The following AGBL2 variants were observed in gnomAD, a reference collection of about 807,000 sequenced individuals.
AGBL2 encodes AGBL carboxypeptidase 2.
Under a neutral mutation model 103.0 loss-of-function variants are expected in AGBL2, and 87 were observed. The observed-to-expected ratio is 0.84, with a 90% CI of 0.71 to 1.01. AGBL2 has a LOEUF of 1.01. Among genes scored for constraint, AGBL2 ranks in the 50% least tolerant of loss-of-function variants. The pLI is 0.00. For synonymous variants in AGBL2, 335 were observed against 356.7 expected (o/e 0.94, Z 0.69); for missense variants, 904 against 1,023.5 (o/e 0.88, Z 1.59).
intron 14 of AGBL2, among the ~76,000 whole-genome samples, chr11:47,675,538 G>A (rs1354098471): frequency 1.3e-5 from 2 of 151,724 alleles, no homozygotes; most frequent in Admixed American, 1.3e-4. Flanking sequence ...ACAGGCATGT[G>A]CCACCACACC....
chr11:47,664,299 T>G (rs2097335385), intron 17 of AGBL2, among the ~76,000 whole-genome samples: 1 of 151,988 alleles, frequency 6.6e-6, no homozygotes, highest in South Asian at 2.1e-4. Context: ...TAGGGTGGAG[T>G]GCAGTGGCAG....
intron 17 of AGBL2, among the ~76,000 whole-genome samples, chr11:47,664,395 G>T (rs1206873505): frequency 1.3e-5 from 2 of 151,018 alleles, no homozygotes; most frequent in African/African-American, 2.4e-5. Flanking sequence ...TACAGGGGCA[G>T]GCTACCACAT....
chr11:47,708,645 C>G (rs577019579), intron 4 of AGBL2, among the ~76,000 whole-genome samples: 1 of 150,476 alleles, frequency 6.6e-6, no homozygotes, highest in East Asian at 2.0e-4. Context: ...GAAACCCCGT[C>G]TCTACTAAAA....
At position 47,664,556 on chromosome 11, in the gene AGBL2, G is replaced by A. The variant is rs906605078; in HGVS notation, c.2449-1444C>T. Among the ~76,000 whole-genome samples the A allele has an allele frequency of 3.3e-5, 5 of 151,192 alleles. No homozygotes were observed. The East Asian group carries it at 5.9e-4, about 18-fold the overall frequency. ...CCTCCCGAGTAGCTGGGACTACAGC[G>A]ATGCACCACCACGCCCAGCTAATTT... On this transcript the variant is annotated intron_variant, in intron 17 of 18. Transcript: ENST00000525123.
Position 47,696,203 on chromosome 11 carries a change from A to G in AGBL2, c.694+3243T>C, listed in dbSNP as rs111954071. Among the ~76,000 whole-genome samples, 14 of 139,760 alleles carry G rather than the reference A, an allele frequency of 1.0e-4. 2 individuals are homozygous for G. The highest frequency in any genetic ancestry group is 3.4e-4 in the African/African-American group (13 of 38,508). 91.7% of individuals were successfully genotyped at this position (139,760 alleles called of 152,430 possible). On this transcript the variant is annotated intron_variant, in intron 8 of 18. Transcript: ENST00000525123. ...TCTGTCTCAAAAAAAAAAAAAAAAA[A>G]AGATTTCAAACAAACCTTGTGAAGT...
chr11:47,692,947 T>G (rs2097453842), intron 8 of AGBL2, among the ~76,000 whole-genome samples: 1 of 151,802 alleles, frequency 6.6e-6, no homozygotes, highest in Non-Finnish European at 1.5e-5. Flanking sequence ...ACTTCCTGAG[T>G]AGCTGGGACC....
At chr11:47,712,635 G>A (rs1286219684) in intron 3 of AGBL2, among the ~76,000 whole-genome samples, 2 of 152,220 alleles carry the variant, frequency 1.3e-5, no homozygotes, top group Non-Finnish European at 2.9e-5. Flanking sequence ...TGGGGACAGT[G>A]GCTCACGCCT....
chr11:47,686,091 G>A, intron 10 of AGBL2, 42 bp from the exon 11 acceptor site: 2 of 1,580,544 alleles, frequency 1.3e-6, no homozygotes, highest in South Asian at 1.1e-5. Flanking sequence ...ACACCCAAAT[G>A]CATACAAATA....
In AGBL2 at chr11:47,667,699, A is replaced by T. The variant is rs377578482; in HGVS notation, c.2215-3T>A. On this transcript the variant is annotated splice_polypyrimidine_tract_variant and splice_region_variant and intron_variant, in intron 15 of 18. Coordinates refer to ENST00000525123, the MANE Select transcript of AGBL2 (RefSeq NM_024783.4). ...AACATCTTCTTTTTCTGAGTCAGCT[A>T]TTCCAGAAAGTAGAGAAACTGGTCA... is the stretch of plus-strand genomic sequence containing the variant. 2 of 1,609,086 alleles carry T rather than the reference A, an allele frequency of 1.2e-6. No homozygotes were observed. Among genetic ancestry groups the T allele is most frequent in the Non-Finnish European group, 1.7e-6 (2 of 1,179,260 alleles).
At chr11:47,706,281 C>T (rs959431727) in intron 4 of AGBL2, among the ~76,000 whole-genome samples, 1 of 152,074 alleles carries the variant, frequency 6.6e-6, no homozygotes, top group African/African-American at 2.4e-5. Flanking sequence ...CTTTGGGAGG[C>T]TGAGGTGGGC....
intron 8 of AGBL2, 146 bp from the exon 9 acceptor site, chr11:47,692,402 A>ATATT: frequency 7.3e-6 from 2 of 275,848 alleles, no homozygotes; most frequent in Admixed American, 6.1e-5. Flanking sequence ...GAGACTTTTA[A>ATATT]TCTTTTTTTT....
intron 13 of AGBL2, among the ~76,000 whole-genome samples, chr11:47,678,165 C>T (rs1177044660): frequency 1.3e-5 from 2 of 150,498 alleles, no homozygotes; most frequent in East Asian, 4.0e-4. Context: ...GGTTTCACCA[C>T]GTTGGCCAGG....
chr11:47,677,143 G>C, intron 14 of AGBL2, 128 bp downstream of exon 14: 1 of 744,204 alleles, frequency 1.3e-6, no homozygotes, highest in Non-Finnish European at 1.9e-6. Context: ...CAGTGTCTGG[G>C]ACTACAGGCA....
rs907678864 is a variant in AGBL2, at chr11:47,670,302, C to T, written c.2148-1395G>A. Among the ~76,000 whole-genome samples, 24 of 152,016 alleles carry T rather than the reference C, an allele frequency of 1.6e-4. 1 individual carries two copies. Among genetic ancestry groups the T allele is most frequent in the South Asian group, 8.3e-4 (4 of 4,818 alleles). On this transcript the variant is annotated intron_variant, in intron 14 of 18. Transcript: ENST00000525123. ...GAATCTGAGCCTGGGCGATACAGTACGTCGCTGTATCTACAAAAAATGTTT... is the reference window on the plus strand; with the variant it reads ...GAATCTGAGCCTGGGCGATACAGTATGTCGCTGTATCTACAAAAAATGTTT...
chr11:47,664,873 C>T (rs929915415), intron 17 of AGBL2, among the ~76,000 whole-genome samples: 1 of 145,510 alleles, frequency 6.9e-6, no homozygotes, highest in Non-Finnish European at 1.5e-5. Flanking sequence ...ACCCACCTCC[C>T]ACCTTTTTTT....
intron 7 of AGBL2, among the ~76,000 whole-genome samples, chr11:47,702,419 C>T (rs1306759478): frequency 3.9e-5 from 6 of 152,164 alleles, no homozygotes; most frequent in East Asian, 3.8e-4. Flanking sequence ...GGACCAAGCA[C>T]TATGCAATTG....
In AGBL2 at chr11:47,704,592, T is replaced by C. The variant is rs1377251629; in HGVS notation, c.537A>G (p.Pro179=). ...TGACCTCACATTCAATTGGCCATCT[T>C]GGAGCCTGCAGTGGCCTCTTGGTAG... ...ILSTKRPLQA[P]RWPIECEVIK... Residue 179 remains proline, a synonymous_variant, in exon 7 of 19, where the codon CCA becomes CCG. Coordinates refer to ENST00000525123, the MANE Select transcript of AGBL2 (RefSeq NM_024783.4). 6.2e-7 allele frequency: 1 copy of C among 1,614,140 alleles called. No homozygotes were observed. Among genetic ancestry groups the C allele is most frequent in the Admixed American group, 1.7e-5 (1 of 60,006 alleles).
chr11:47,684,780 C>A (rs1010100442), intron 11 of AGBL2, among the ~76,000 whole-genome samples: 6 of 152,074 alleles, frequency 3.9e-5, no homozygotes, highest in Non-Finnish European at 8.8e-5. Flanking sequence ...TAATATCTTA[C>A]AATTATTTGT....
intron 8 of AGBL2, among the ~76,000 whole-genome samples, chr11:47,695,685 A>G (rs2097466648): frequency 6.8e-6 from 1 of 146,528 alleles, no homozygotes; most frequent in Non-Finnish European, 1.5e-5. Flanking sequence ...AAGGTTGGAC[A>G]ATTCACTTGA....
Sources: gnomAD v4.1 joint callset for allele counts (sites outside exome capture counted in the v4.1 genomes callset) on GRCh38, gnomAD v4.1.1 for gene constraint, MANE v1.5 for transcripts, NCBI Gene and HGNC (gene_info 2026-07-23, HGNC 2026-07-21) for gene names.